The following NOL4L variants were observed in gnomAD, a reference collection of about 807,000 sequenced individuals.
NOL4L encodes the protein nucleolar protein 4 like, also known as nucleolar protein 4-like.
Under a neutral mutation model 64.5 loss-of-function variants are expected in NOL4L, and 7 were observed. That is an observed-to-expected ratio of 0.11 (90% CI 0.06 to 0.20). NOL4L has a LOEUF of 0.20. Among genes scored for constraint, NOL4L ranks in the 10% least tolerant of loss-of-function variants. The pLI is 1.00. For synonymous variants in NOL4L, 413 were observed against 401.0 expected (o/e 1.03, Z -0.36); for missense variants, 680 against 967.1 (o/e 0.70, Z 3.94).
rs1252209796 is a variant in NOL4L, at chr20:32,464,041, TAATTCAC to T, written c.842-7653_842-7647del. Among the ~76,000 whole-genome samples the T allele has an allele frequency of 6.7e-6, 1 of 149,230 alleles. No individual in the cohort carries two copies. Among genetic ancestry groups the T allele is most frequent in the Non-Finnish European group, 1.5e-5 (1 of 67,416 alleles). ...AGGCGGGGGATGGGAGGGGCATCAA[TAATTCAC>T]ACACAACAGGGCGACGGGGGAGGAG... On this transcript the variant is annotated intron_variant, in intron 5 of 10. Coordinates refer to ENST00000621426, the MANE Select transcript of NOL4L (RefSeq NM_001256798.2). The surrounding 1 kb of genome is among the most constrained non-coding windows in gnomAD (Gnocchi z 5.6).
chr20:32,517,564 T>C (rs527312920), intron 3 of NOL4L, among the ~76,000 whole-genome samples: 2 of 152,300 alleles, frequency 1.3e-5, no homozygotes, highest in South Asian at 2.1e-4. Flanking sequence ...CTCAAAACTC[T>C]CCACTGGCAG....
chr20:32,562,721 C>A (rs565500886), intron 1 of NOL4L, among the ~76,000 whole-genome samples: 1 of 151,818 alleles, frequency 6.6e-6, no homozygotes, highest in Admixed American at 6.6e-5. Context: ...CCCTTGACCT[C>A]CACAGCTTCC....
intron 4 of NOL4L, among the ~76,000 whole-genome samples, chr20:32,476,440 G>A (rs1427471898): frequency 6.6e-6 from 1 of 152,202 alleles, no homozygotes; most frequent in Admixed American, 6.5e-5. Flanking sequence ...AACCAGGAAC[G>A]GGGCATCTTG....
rs1283543268 is a variant in NOL4L at position 32,584,783 on chromosome 20, G to A, written c.108C>T (p.Gly36=). 3 of 1,539,626 alleles carry A rather than the reference G, an allele frequency of 1.9e-6. No homozygotes were observed. The highest frequency in any genetic ancestry group is 4.9e-5 in the East Asian group (2 of 40,614). The change falls in exon 1 of 11, where the codon GGC becomes GGT. Residue 36 remains glycine, a synonymous_variant. Transcript: ENST00000621426. The stretch of plus-strand genomic sequence containing the variant: ...TCACCGTCTTGGTTTTGGCCGAGTC[G>A]CCGTAGGTGCGCAAGCACCAGTCCC... ...QFRDWCLRTY[G]DSAKTKTVTR... is the part of the protein sequence containing the mutation.
Position 32,584,879 on chromosome 20 carries a change from C to G in NOL4L, c.12G>C (p.Pro4=). MPK[P]TLLLRGGWER... ...CCCAGCCCCCGCGCAGCAGCAGCGT[C>G]GGCTTCGGCATCCTCCCGCCGCGCC... The change falls in exon 1 of 11, where the codon CCG becomes CCC. Residue 4 remains proline (P), a synonymous_variant. Coordinates refer to ENST00000621426, the MANE Select transcript of NOL4L (RefSeq NM_001256798.2). 1 of 1,320,588 alleles carries G rather than the reference C, an allele frequency of 7.6e-7. No individual in the cohort carries two copies. Among genetic ancestry groups the G allele is most frequent in the Admixed American group, 3.1e-5 (1 of 32,316 alleles). 81.8% of individuals were successfully genotyped at this position (1,320,588 alleles called of 1,614,324 possible).
At chr20:32,518,902 AT>A (rs1172086449) in intron 3 of NOL4L, among the ~76,000 whole-genome samples, 6 of 152,214 alleles carry the variant, frequency 3.9e-5, no homozygotes, top group Non-Finnish European at 8.8e-5. Flanking sequence ...AGCATTCAGG[AT>A]CACTGGCTCA....
At chr20:32,583,408 A>ACGGGGCTGAGCG (rs1980624953) in intron 1 of NOL4L, among the ~76,000 whole-genome samples, 1 of 144,252 alleles carries the variant, frequency 6.9e-6, no homozygotes. Context: ...CCGGCCGGGG[A>ACGGGGCTGAGCG]CGGGGCTGAG....
intron 1 of NOL4L, among the ~76,000 whole-genome samples, chr20:32,544,187 TGA>T (rs745997157): frequency 3.9e-4 from 59 of 150,258 alleles, no homozygotes; most frequent in Non-Finnish European, 6.1e-4. Context: ...GAAGAAGGGG[TGA>T]GAGAGAGGCA....
intron 5 of NOL4L, among the ~76,000 whole-genome samples, chr20:32,462,645 G>T (rs936458490): frequency 6.6e-6 from 1 of 151,998 alleles, no homozygotes; most frequent in Non-Finnish European, 1.5e-5. Flanking sequence ...AGTGGCTCAC[G>T]CCTGTAATCC....
chr20:32,552,097 A>G (rs1978337793), intron 1 of NOL4L, among the ~76,000 whole-genome samples: 1 of 152,166 alleles, frequency 6.6e-6, no homozygotes, highest in Non-Finnish European at 1.5e-5. Context: ...CCTGAATCAT[A>G]TTTTAAATGG....
chr20:32,477,773 G>T (rs1024253801), intron 4 of NOL4L, among the ~76,000 whole-genome samples: 5 of 152,190 alleles, frequency 3.3e-5, no homozygotes, highest in East Asian at 3.9e-4. Context: ...CACAGCCAGG[G>T]TTTCTCTGGC....
rs769605729 is a variant in NOL4L, at chr20:32,453,659, C to T, written c.1222G>A (p.Asp408Asn). Residue 408 changes from aspartate (D) to asparagine (N), a missense_variant, in exon 7 of 11, where the codon GAC becomes AAC. Asp to Asn is a conservative substitution (Grantham distance 23). Around this residue, in one of 4 missense-constraint regions of NOL4L, gnomAD observed 70 missense variants for 166.1 expected, o/e 0.42. Coordinates refer to ENST00000621426, the MANE Select transcript of NOL4L (RefSeq NM_001256798.2). This position sits in a 1 kb window ranked among gnomAD's most constrained non-coding sequence, Gnocchi z 5.6. ...VGRAPTADDD[D>N]DDHDDHEDND... ...TCCTCATGGTCATCGTGGTCATCGT[C>T]GTCATCATCTGCCGTCGGGGCCCGG... 1.9e-6 allele frequency: 3 copies of T among 1,595,240 alleles called. No individual in the cohort carries two copies. The highest frequency in any genetic ancestry group is 2.3e-5 in the East Asian group (1 of 43,626).
intron 4 of NOL4L, among the ~76,000 whole-genome samples, chr20:32,493,337 C>A (rs1754511571): frequency 6.6e-6 from 1 of 152,264 alleles, no homozygotes; most frequent in African/African-American, 2.4e-5. Flanking sequence ...GAGCCCACAG[C>A]TCCGGTGTGG....
At chr20:32,553,042 G>A (rs1030500848) in intron 1 of NOL4L, among the ~76,000 whole-genome samples, 1 of 152,152 alleles carries the variant, frequency 6.6e-6, no homozygotes, top group African/African-American at 2.4e-5. Flanking sequence ...ACTTTACAGT[G>A]TGCCAAGCCT....
intron 4 of NOL4L, among the ~76,000 whole-genome samples, chr20:32,495,414 C>T (rs73248006): frequency 4.3e-4 from 65 of 152,250 alleles, no homozygotes; most frequent in African/African-American, 1.5e-3. Flanking sequence ...CAGGGCTGCC[C>T]GGGCCTATTC....
In NOL4L at chr20:32,460,661, A is replaced by G. The variant is rs2013957371; in HGVS notation, c.842-4266T>C. 6.6e-6 allele frequency among the ~76,000 whole-genome samples: 1 copy of G among 152,150 alleles called. No individual in the cohort carries two copies. The highest frequency in any genetic ancestry group is 1.5e-5 in the Non-Finnish European group (1 of 68,018). ...TTCCCTGCACCCCACATTTTCTCAC[A>G]TCATAACTCACCCACTGCCGACGCA... On this transcript the variant is annotated intron_variant, in intron 5 of 10. Coordinates refer to ENST00000621426, the MANE Select transcript of NOL4L (RefSeq NM_001256798.2). The surrounding 1 kb of genome is among the most constrained non-coding windows in gnomAD (Gnocchi z 5.7).
At chr20:32,481,127 G>T (rs1344332416) in intron 4 of NOL4L, among the ~76,000 whole-genome samples, 2 of 152,182 alleles carry the variant, frequency 1.3e-5, no homozygotes, top group Non-Finnish European at 2.9e-5. Flanking sequence ...GTCCTCTGTT[G>T]TCCCTGCTGT....
intron 4 of NOL4L, chr20:32,483,346 G>C (rs1023045457): frequency 3.1e-6 from 3 of 983,444 alleles, no homozygotes; most frequent in Non-Finnish European, 3.6e-6. Context: ...GCCGGGATCC[G>C]GGCCGGACTC....
chr20:32,521,296 G>A (rs1454860531), intron 2 of NOL4L, among the ~76,000 whole-genome samples: 3 of 152,134 alleles, frequency 2.0e-5, no homozygotes, highest in Non-Finnish European at 2.9e-5. Context: ...TCTTAGAGAT[G>A]GATAGACTGA....
Sources: allele counts gnomAD v4.1 joint callset (sites outside exome capture counted in the v4.1 genomes callset), GRCh38; gene constraint gnomAD v4.1.1; regional missense constraint gnomAD v4.1.1; non-coding constraint Gnocchi (gnomAD v3.1); transcripts MANE v1.5; gene names NCBI Gene and HGNC (gene_info 2026-07-23, HGNC 2026-07-21).